The following PFKFB3 variants were observed in gnomAD, a reference collection of about 807,000 sequenced individuals.
PFKFB3 encodes 6-phosphofructo-2-kinase/fructose-2,6-biphosphatase 3.
In PFKFB3, 33 loss-of-function variants were observed where a neutral mutation model predicts 68.0. That is an observed-to-expected ratio of 0.49 (90% CI 0.37 to 0.65). PFKFB3 has a LOEUF of 0.65. Ranked by LOEUF, PFKFB3 falls within the 30% of genes least tolerant of loss-of-function variation. PFKFB3 has a pLI of 0.00. For synonymous variants in PFKFB3, 315 were observed against 288.2 expected (o/e 1.09, Z -0.94); for missense variants, 586 against 712.2 (o/e 0.82, Z 2.02).
At chr10:6,156,119 GTACATATA>G (rs1315093711) in intron 1 of PFKFB3, among the ~76,000 whole-genome samples, 1 of 128,432 alleles carries the variant, frequency 7.8e-6, no homozygotes, top group African/African-American at 2.9e-5. Context: ...TTATATATAT[GTACATATA>G]TATGTGTGTG....
downstream of PFKFB3, among the ~76,000 whole-genome samples, chr10:6,239,823 G>A (rs1224808813): frequency 2.6e-5 from 4 of 152,048 alleles, no homozygotes; most frequent in East Asian, 1.9e-4. Context: ...TCAGGTGTGC[G>A]CCACCACGCC....
chr10:6,272,868 A>G, the PFKFB3 span, among the ~76,000 whole-genome samples: 4 of 152,176 alleles, frequency 2.6e-5, no homozygotes, highest in African/African-American at 9.7e-5. Flanking sequence ...GCTTTATTTC[A>G]GATTTGGACA....
chr10:6,219,767 G>A, intron 7 of PFKFB3, 74 bp downstream of exon 7: 2 of 1,542,044 alleles, frequency 1.3e-6, no homozygotes, highest in Non-Finnish European at 1.8e-6. Flanking sequence ...TTCCCACAAA[G>A]GATTTGCTCC....
intron 14 of PFKFB3, among the ~76,000 whole-genome samples, chr10:6,243,080 A>G (rs979775568): frequency 6.6e-6 from 1 of 152,178 alleles, no homozygotes; most frequent in East Asian, 1.9e-4. Context: ...AAAATACTGG[A>G]AGACTCGGCA....
the PFKFB3 span, among the ~76,000 whole-genome samples, chr10:6,314,434 T>G: frequency 9.5e-4 from 144 of 152,374 alleles, no homozygotes; most frequent in African/African-American, 3.4e-3. Context: ...CATATGTGTG[T>G]GATCTATCAA....
In PFKFB3 at chr10:6,215,129, T is replaced by C; in HGVS notation, c.203-92T>C. The C allele has an allele frequency of 9.5e-7, 1 of 1,053,102 alleles. No homozygotes were observed. Among genetic ancestry groups the C allele is most frequent in the South Asian group, 1.3e-5 (1 of 75,508 alleles). The allele number at this position is 1,053,102 out of a possible 1,614,324, so 65.2% of individuals were successfully genotyped here. A position where few individuals can be genotyped will look rare whatever the true frequency, so the allele number is the denominator to read the frequency against. ...ATTCAAGTCGGTGTGGTTGGCCTGGTGGCTCTTCCTTTGGTCGATCCTATG... is the reference window on the plus strand; with the variant it reads ...ATTCAAGTCGGTGTGGTTGGCCTGGCGGCTCTTCCTTTGGTCGATCCTATG... On this transcript the variant is annotated intron_variant, in intron 2 of 14. Coordinates refer to ENST00000379775, the MANE Select transcript of PFKFB3 (RefSeq NM_004566.4). This position sits in a 1 kb window ranked among gnomAD's most constrained non-coding sequence, Gnocchi z 4.3.
At chr10:6,172,341 G>A (rs1444585722) in intron 1 of PFKFB3, among the ~76,000 whole-genome samples, 1 of 152,198 alleles carries the variant, frequency 6.6e-6, no homozygotes, top group Non-Finnish European at 1.5e-5. Context: ...TCCAAGCTGG[G>A]TGCAGTTCCT....
intron 13 of PFKFB3, among the ~76,000 whole-genome samples, chr10:6,225,763 G>A (rs910024193): frequency 4.0e-5 from 6 of 151,484 alleles, no homozygotes; most frequent in Admixed American, 2.6e-4. Flanking sequence ...TCGGGTCAGC[G>A]GAAGGGAGTC....
the PFKFB3 span, among the ~76,000 whole-genome samples, chr10:6,277,311 G>A: frequency 5.3e-5 from 8 of 151,522 alleles, no homozygotes; most frequent in African/African-American, 1.9e-4. Context: ...TGGACTCACT[G>A]CAACCTCCGC....
upstream of PFKFB3, among the ~76,000 whole-genome samples, chr10:6,200,111 G>T (rs567594424): frequency 6.6e-6 from 1 of 152,238 alleles, no homozygotes; most frequent in African/African-American, 2.4e-5. Flanking sequence ...CTGGTTCCTT[G>T]ACTACTCTAA....
chr10:6,240,179 T>G (rs1402456819), downstream of PFKFB3, among the ~76,000 whole-genome samples: 1 of 152,240 alleles, frequency 6.6e-6, no homozygotes, highest in African/African-American at 2.4e-5. Flanking sequence ...CAAGTTAGCA[T>G]TCCTAGATTT....
At position 6,146,613 on chromosome 10, in the gene PFKFB3, C is replaced by T; in HGVS notation, c.16+1600C>T. 7.4e-6 allele frequency: 8 copies of T among 1,080,002 alleles called. No homozygotes were observed. In the South Asian group the frequency reaches 1.2e-4, roughly 17 times the overall value. The allele number at this position is 1,080,002 out of a possible 1,614,324, so 66.9% of individuals were successfully genotyped here. A position where few individuals can be genotyped will look rare whatever the true frequency, so the allele number is the denominator to read the frequency against. ...TATCTCTGACTTCATCGCTTCTGCC[C>T]ACTTTTGTCGATGTAGGCTCTGGTT... On this transcript the variant is annotated intron_variant, in intron 1 of 14. Transcript: ENST00000379789.
At chr10:6,324,253 A>G in the PFKFB3 span, among the ~76,000 whole-genome samples, 2 of 152,234 alleles carry the variant, frequency 1.3e-5, no homozygotes, top group Non-Finnish European at 2.9e-5. Flanking sequence ...AGATTCCCAG[A>G]GTAGTCAAAT....
At chr10:6,314,293 T>C in the PFKFB3 span, among the ~76,000 whole-genome samples, 1 of 152,216 alleles carries the variant, frequency 6.6e-6, no homozygotes. Context: ...CACATGTTCA[T>C]TGCAGAAAAA....
chr10:6,177,354 CTCTT>C (rs71294418), intron 1 of PFKFB3, among the ~76,000 whole-genome samples: 3,138 of 78,010 alleles, frequency 0.04, 116 homozygotes, highest in Middle Eastern at 0.089. Flanking sequence ...CTTTTCTTTT[CTCTT>C]TCTTTCTTTC....
the PFKFB3 span, among the ~76,000 whole-genome samples, chr10:6,297,994 C>A: frequency 6.6e-6 from 1 of 152,140 alleles, no homozygotes; most frequent in African/African-American, 2.4e-5. Flanking sequence ...ACTGAAGAGG[C>A]TCTTAATAAT....
intron 14 of PFKFB3, among the ~76,000 whole-genome samples, chr10:6,248,321 C>T (rs565571852): frequency 2.6e-4 from 39 of 152,080 alleles, no homozygotes; most frequent in South Asian, 1.7e-3. Context: ...AACCACTCTA[C>T]GGAAAGACAG....
chr10:6,262,043 T>C, the PFKFB3 span, among the ~76,000 whole-genome samples: 1 of 151,094 alleles, frequency 6.6e-6, no homozygotes, highest in African/African-American at 2.4e-5. Context: ...CAAAAAACTC[T>C]TAGATACTAG....
At chr10:6,198,531 G>A (rs1418688645), upstream of PFKFB3, among the ~76,000 whole-genome samples, 2 of 152,172 alleles carry the variant, frequency 1.3e-5, no homozygotes, top group Admixed American at 6.5e-5. Context: ...CACTCAGGCT[G>A]GAGTGCAGTG....
Sources: allele counts gnomAD v4.1 joint callset (sites outside exome capture counted in the v4.1 genomes callset), GRCh38; gene constraint gnomAD v4.1.1; non-coding constraint Gnocchi (gnomAD v3.1); transcripts MANE v1.5; gene names NCBI Gene and HGNC (gene_info 2026-07-23, HGNC 2026-07-21).